Variants in PITPNC1 observed in about 807,000 individuals in gnomAD.
PITPNC1 encodes the protein phosphatidylinositol transfer protein cytoplasmic 1.
PITPNC1 carries 18 observed loss-of-function variants against 44.7 expected under a neutral mutation model. The ratio of observed to expected loss-of-function variants is 0.40; its 90% CI spans 0.28 to 0.60. The LOEUF (loss-of-function observed/expected upper bound fraction) is 0.60. Ranked by LOEUF, PITPNC1 falls within the 20% of genes least tolerant of loss-of-function variation. The probability of loss-of-function intolerance (pLI) is 0.39; values close to 1 mark genes in which losing one functional copy is unlikely to be tolerated. For synonymous variants in PITPNC1, 141 were observed against 149.6 expected, an observed-to-expected ratio of 0.94 and a Z score of 0.42; for missense variants, 290 against 418.4, an observed-to-expected ratio of 0.69 and a Z score of 2.68.
intron 1 of PITPNC1, among the ~76,000 whole-genome samples, chr17:67,455,588 T>A (rs1005372981): frequency 5.4e-5 from 7 of 129,622 alleles, no homozygotes; most frequent in African/African-American, 1.9e-4. Flanking sequence ...CCCAGCTAGT[T>A]TTTTTTGTTT....
At chr17:67,448,122 T>A (rs1441797855) in intron 1 of PITPNC1, among the ~76,000 whole-genome samples, 1 of 151,876 alleles carries the variant, frequency 6.6e-6, no homozygotes, top group Non-Finnish European at 1.5e-5. Context: ...ATGTTGGTAT[T>A]TTTAGTAGAG....
intron 1 of PITPNC1, among the ~76,000 whole-genome samples, chr17:67,419,612 ATAAAT>A (rs781238608): frequency 1.3e-3 from 192 of 152,272 alleles, no homozygotes; most frequent in Non-Finnish European, 2.2e-3. Context: ...ATTAGAAAAA[ATAAAT>A]TAAAGAGGCC....
At chr17:67,425,189 GCGCGCACGCACA>G (rs2038732963) in intron 1 of PITPNC1, among the ~76,000 whole-genome samples, 2 of 41,612 alleles carry the variant, frequency 4.8e-5, no homozygotes, top group Admixed American at 2.2e-4. Flanking sequence ...CATGTTGTGC[GCGCGCACGCACA>G]CGCACACACA....
intron 8 of PITPNC1, among the ~76,000 whole-genome samples, chr17:67,686,794 C>A (rs11653754): frequency 0.12 from 18,013 of 152,182 alleles, 1,421 homozygotes; most frequent in Non-Finnish European, 0.17. Context: ...CATGCTAATA[C>A]TTTCTACCCA....
chr17:67,654,777 A>G (rs2042245279), intron 6 of PITPNC1, among the ~76,000 whole-genome samples: 2 of 151,992 alleles, frequency 1.3e-5, no homozygotes, highest in Non-Finnish European at 2.9e-5. Flanking sequence ...GGACAACAGG[A>G]GCGCGCCACC....
chr17:67,455,472 G>C (rs887288785), intron 1 of PITPNC1, among the ~76,000 whole-genome samples: 2 of 152,088 alleles, frequency 1.3e-5, no homozygotes, highest in African/African-American at 4.8e-5. Context: ...TCGCTCTGGA[G>C]TGCAGTGATG....
intron 1 of PITPNC1, among the ~76,000 whole-genome samples, chr17:67,392,969 A>G (rs112459209): frequency 0.042 from 6,366 of 152,062 alleles, 436 homozygotes; most frequent in African/African-American, 0.15. Flanking sequence ...CTCTACTAAA[A>G]ATACAGAAAA....
intron 1 of PITPNC1, among the ~76,000 whole-genome samples, chr17:67,474,155 A>G (rs1374305456): frequency 6.6e-6 from 1 of 152,058 alleles, no homozygotes; most frequent in Non-Finnish European, 1.5e-5. Context: ...GTTCCTAGGA[A>G]GGTCAGTGAG....
intron 1 of PITPNC1, among the ~76,000 whole-genome samples, chr17:67,496,023 T>C (rs1182016452): frequency 6.6e-6 from 1 of 152,246 alleles, no homozygotes; most frequent in East Asian, 1.9e-4. Context: ...TTTATGCTTA[T>C]AATTTTGGAA....
chr17:67,522,703 G>C (rs2040343228), intron 1 of PITPNC1, among the ~76,000 whole-genome samples: 1 of 130,660 alleles, frequency 7.7e-6, no homozygotes, highest in Admixed American at 8.5e-5. Context: ...GCTTGCCCAG[G>C]CTGGAGCACA....
At chr17:67,644,062 T>G (rs1306777874) in intron 6 of PITPNC1, among the ~76,000 whole-genome samples, 1 of 152,180 alleles carries the variant, frequency 6.6e-6, no homozygotes, top group Non-Finnish European at 1.5e-5. Context: ...TTACAGCCAT[T>G]TGTGCTGCTG....
At chr17:67,557,568 C>G (rs2040854824) in intron 4 of PITPNC1, among the ~76,000 whole-genome samples, 3 of 152,138 alleles carry the variant, frequency 2.0e-5, no homozygotes. Flanking sequence ...CTTTTCTTTC[C>G]ATCTCCCTGG....
rs60705271 is a variant in PITPNC1 at position 67,425,203 on chromosome 17, G to GCACACACACACACACACA, written c.48+47044_48+47061dup. On this transcript the variant is annotated intron_variant, in intron 1 of 8. Coordinates refer to ENST00000581322, the MANE Select transcript of PITPNC1 (RefSeq NM_012417.4). ...CCATGTTGTGCGCGCGCACGCACAC[G>GCACACACACACACACACA]CACACACACACACACACACACACAC... Among the ~76,000 whole-genome samples, 284 of 98,798 alleles carry GCACACACACACACACACA rather than the reference G, an allele frequency of 2.9e-3. 13 individuals carry two copies. Among genetic ancestry groups the GCACACACACACACACACA allele is most frequent in the East Asian group, 0.015 (40 of 2,750 alleles). The allele number at this position is 98,798 out of a possible 152,430, so 64.8% of individuals were successfully genotyped here.
chr17:67,631,866 A>T (rs2144333120), intron 5 of PITPNC1, among the ~76,000 whole-genome samples: 1 of 146,472 alleles, frequency 6.8e-6, no homozygotes, highest in Admixed American at 6.9e-5. Context: ...TTTGGAAGAG[A>T]TTAATTTCCT....
At chr17:67,584,853 G>A (rs559395396) in intron 5 of PITPNC1, among the ~76,000 whole-genome samples, 1 of 152,116 alleles carries the variant, frequency 6.6e-6, no homozygotes, top group African/African-American at 2.4e-5. Context: ...AGTGGCTCAC[G>A]CCTGTAATCC....
intron 4 of PITPNC1, 89 bp from the exon 5 acceptor site, chr17:67,578,097 A>G (rs1213335276): frequency 3.4e-6 from 3 of 886,452 alleles, no homozygotes; most frequent in Non-Finnish European, 5.6e-6. Context: ...GCTTGCAACC[A>G]AATGGCCAGG....
rs73997216 is a variant in PITPNC1 at position 67,670,200 on chromosome 17, A to T, written c.618+537A>T. On this transcript the variant is annotated intron_variant, in intron 7 of 8. Coordinates refer to ENST00000581322, the MANE Select transcript of PITPNC1 (RefSeq NM_012417.4). ...TTTATGCCCCATCTCTCATTCTGTG[A>T]CCTCCATGTCTATTAGGCAAGCGTA... is the stretch of plus-strand genomic sequence containing the variant. Among the ~76,000 whole-genome samples the T allele has an allele frequency of 2.9e-3, 434 of 152,116 alleles. 2 individuals carry two copies. Among genetic ancestry groups the T allele is most frequent in the African/African-American group, 9.7e-3 (403 of 41,478 alleles).
intron 5 of PITPNC1, among the ~76,000 whole-genome samples, chr17:67,626,838 T>C (rs948901134): frequency 6.7e-6 from 1 of 149,194 alleles, no homozygotes; most frequent in Non-Finnish European, 1.5e-5. Context: ...AAAAAAAACC[T>C]AAGATCAATG....
At chr17:67,643,163 G>A (rs11657016) in intron 6 of PITPNC1, among the ~76,000 whole-genome samples, 8,167 of 152,244 alleles carry the variant, frequency 0.054, 249 homozygotes, top group Middle Eastern at 0.088. Context: ...ACTTTGGGAC[G>A]CCAAGGCAGG....
Sources: allele counts gnomAD v4.1 joint callset (sites outside exome capture counted in the v4.1 genomes callset), GRCh38; gene constraint gnomAD v4.1.1; transcripts MANE v1.5; gene names NCBI Gene and HGNC (gene_info 2026-07-23, HGNC 2026-07-21).